Variants in IGSF21 observed in about 807,000 individuals in gnomAD.
IGSF21 encodes the protein immunoglobulin superfamily member 21.
In IGSF21, 28 loss-of-function variants were observed where a neutral mutation model predicts 46.8. The ratio of observed to expected loss-of-function variants is 0.60; its 90% CI spans 0.44 to 0.82. The LOEUF is 0.82. Ranked by LOEUF, IGSF21 falls within the 40% of genes least tolerant of loss-of-function variation. IGSF21 has a pLI of 0.00. For missense variants in IGSF21, 624 were observed against 665.5 expected, an observed-to-expected ratio of 0.94 and a Z score of 0.69; for synonymous variants, 284 against 273.6, an observed-to-expected ratio of 1.04 and a Z score of -0.38.
intron 1 of IGSF21, among the ~76,000 whole-genome samples, chr1:18,195,539 C>T (rs548059721): frequency 7.9e-5 from 12 of 152,274 alleles, no homozygotes; most frequent in East Asian, 7.7e-4. Flanking sequence ...CCAGATTCCC[C>T]GGCTCTGTGT....
At chr1:18,199,346 T>A (rs569469225) in intron 1 of IGSF21, among the ~76,000 whole-genome samples, 6 of 152,266 alleles carry the variant, frequency 3.9e-5, no homozygotes, top group Non-Finnish European at 8.8e-5. Flanking sequence ...TCACCTCTCA[T>A]GGTGGAGATT....
At chr1:18,195,581 C>T (rs1049703428) in intron 1 of IGSF21, among the ~76,000 whole-genome samples, 1 of 148,856 alleles carries the variant, frequency 6.7e-6, no homozygotes, top group African/African-American at 2.4e-5. Context: ...GCTGCCCAGC[C>T]CTGTTGTCTG....
intron 3 of IGSF21, among the ~76,000 whole-genome samples, chr1:18,309,300 G>A (rs912700874): frequency 5.3e-5 from 8 of 152,202 alleles, no homozygotes; most frequent in South Asian, 2.1e-4. Context: ...ACACACACTC[G>A]GGTCTAGGGC....
intron 3 of IGSF21, among the ~76,000 whole-genome samples, chr1:18,309,794 G>A (rs1018662533): frequency 2.0e-5 from 3 of 152,234 alleles, no homozygotes; most frequent in Non-Finnish European, 2.9e-5. Context: ...GAGGGCTGGA[G>A]CTGCTGGAAA....
At chr1:18,330,665 G>A (rs1161739919) in intron 3 of IGSF21, among the ~76,000 whole-genome samples, 1 of 77,652 alleles carries the variant, frequency 1.3e-5, no homozygotes, top group African/African-American at 3.1e-5. Flanking sequence ...AGGGACATGG[G>A]ATAAGGGAAG....
At chr1:18,267,553 A>G (rs989925650) in intron 2 of IGSF21, among the ~76,000 whole-genome samples, 1 of 152,190 alleles carries the variant, frequency 6.6e-6, no homozygotes, top group African/African-American at 2.4e-5. Context: ...GAGAGTGGAA[A>G]GAGGTTTGGA....
intron 4 of IGSF21, among the ~76,000 whole-genome samples, chr1:18,345,308 T>C (rs541813938): frequency 6.6e-6 from 1 of 152,256 alleles, no homozygotes; most frequent in African/African-American, 2.4e-5. Context: ...GCTAAGGGTA[T>C]GGGCTTTGGA....
At chr1:18,282,631 T>TAC (rs1439453346) in intron 2 of IGSF21, among the ~76,000 whole-genome samples, 2 of 110,750 alleles carry the variant, frequency 1.8e-5, no homozygotes, top group South Asian at 6.0e-4. Flanking sequence ...CTCATCCCCT[T>TAC]ACATACACAC....
intron 2 of IGSF21, among the ~76,000 whole-genome samples, chr1:18,281,572 A>G (rs1372407285): frequency 6.6e-6 from 1 of 151,870 alleles, no homozygotes; most frequent in African/African-American, 2.4e-5. Context: ...TCTCAAAAAA[A>G]AAAAAAAAAA....
At chr1:18,275,840 G>T (rs2085095071) in intron 2 of IGSF21, among the ~76,000 whole-genome samples, 1 of 152,068 alleles carries the variant, frequency 6.6e-6, no homozygotes, top group Admixed American at 6.5e-5. Flanking sequence ...CTTTTGGGTG[G>T]AATTCTTCTT....
chr1:18,155,929 CAT>C (rs2124438323), intron 1 of IGSF21, among the ~76,000 whole-genome samples: 1 of 152,352 alleles, frequency 6.6e-6, no homozygotes, highest in East Asian at 1.9e-4. Context: ...TAAAGTTGTA[CAT>C]GTTTTGATGG....
At chr1:18,282,741 T>C (rs1047820686) in intron 2 of IGSF21, among the ~76,000 whole-genome samples, 2 of 152,010 alleles carry the variant, frequency 1.3e-5, no homozygotes, top group Non-Finnish European at 1.5e-5. Context: ...GTGCAGGCAT[T>C]GTGCATGCAC....
intron 2 of IGSF21, among the ~76,000 whole-genome samples, chr1:18,285,788 C>T (rs904157349): frequency 1.1e-4 from 17 of 152,160 alleles, no homozygotes; most frequent in African/African-American, 2.7e-4. Context: ...AAGAAAAATA[C>T]GCAATAGCTA....
intron 4 of IGSF21, among the ~76,000 whole-genome samples, chr1:18,354,942 A>C (rs116572099): frequency 1.3e-5 from 2 of 149,106 alleles, no homozygotes; most frequent in African/African-American, 5.2e-5. Context: ...GTTTATGTTT[A>C]TTTTCCATTT....
chr1:18,272,429 G>A (rs570864250), intron 2 of IGSF21, among the ~76,000 whole-genome samples: 2 of 152,306 alleles, frequency 1.3e-5, no homozygotes, highest in Non-Finnish European at 2.9e-5. Flanking sequence ...CCTCATCTGC[G>A]TGGAATAAGA....
intron 4 of IGSF21, among the ~76,000 whole-genome samples, chr1:18,340,838 G>C (rs1437244922): frequency 6.6e-6 from 1 of 151,950 alleles, no homozygotes; most frequent in Admixed American, 6.5e-5. Context: ...TTCTCTCTCT[G>C]GCTCTGTGTT....
chr1:18,310,204 TATAAC>T (rs1426053662), intron 3 of IGSF21, among the ~76,000 whole-genome samples: 2 of 152,230 alleles, frequency 1.3e-5, no homozygotes, highest in African/African-American at 4.8e-5. Flanking sequence ...TATGTTAAAA[TATAAC>T]ATACACACAG....
intron 2 of IGSF21, among the ~76,000 whole-genome samples, chr1:18,237,711 C>T (rs180718421): frequency 1.8e-3 from 272 of 152,266 alleles, no homozygotes; most frequent in Admixed American, 4.3e-3. Flanking sequence ...CTTAGTTATT[C>T]ATCTTTGCAT....
At chr1:18,376,721 C>A in intron 7 of IGSF21, 79 bp from the exon 8 acceptor site, 1 of 1,380,468 alleles carries the variant, frequency 7.2e-7, no homozygotes. Context: ...CCACCCCTGG[C>A]CAGGCAGCCC....
Sources: allele counts gnomAD v4.1 joint callset (sites outside exome capture counted in the v4.1 genomes callset), GRCh38; gene constraint gnomAD v4.1.1; transcripts MANE v1.5; gene names NCBI Gene and HGNC (gene_info 2026-07-23, HGNC 2026-07-21).